The following SORCS2 variants were observed in gnomAD, a reference collection of about 807,000 sequenced individuals.
The protein encoded by SORCS2 is sortilin related VPS10 domain containing receptor 2.
Under a neutral mutation model 141.6 loss-of-function variants are expected in SORCS2, and 100 were observed. The observed-to-expected ratio is 0.71, with a 90% CI of 0.60 to 0.83. The LOEUF is 0.83. SORCS2 is among the 40% of genes least tolerant of loss of function. The probability of loss-of-function intolerance (pLI) is 0.00; values close to 1 mark genes in which losing one functional copy is unlikely to be tolerated. For missense variants in SORCS2, 1,646 were observed against 1,560.2 expected, an observed-to-expected ratio of 1.05 and a Z score of -0.93; for synonymous variants, 789 against 676.9, an observed-to-expected ratio of 1.17 and a Z score of -2.57.
intron 3 of SORCS2, among the ~76,000 whole-genome samples, chr4:7,551,010 G>T (rs567693091): frequency 4.6e-5 from 7 of 152,328 alleles, no homozygotes; most frequent in East Asian, 3.9e-4. Context: ...ACAAAAGGGT[G>T]CAGTGACCGC....
In SORCS2 at chr4:7,286,872, T is replaced by C. The variant is rs552585325; in HGVS notation, c.480+93746T>C. Reference sequence around the variant, plus strand: ...TATGGAAGGTCCCAAGAGGAAAGTGTCCTGACGGAGCTTCAGTAGCTGAAA... The same window carrying C: ...TATGGAAGGTCCCAAGAGGAAAGTGCCCTGACGGAGCTTCAGTAGCTGAAA... On this transcript the variant is annotated intron_variant, in intron 1 of 26. Coordinates refer to ENST00000507866, the MANE Select transcript of SORCS2 (RefSeq NM_020777.3). The surrounding 1 kb of genome is among the most constrained non-coding windows in gnomAD (Gnocchi z 4.1). 2.0e-5 allele frequency among the ~76,000 whole-genome samples: 3 copies of C among 152,124 alleles called. No homozygotes were observed. The South Asian group carries it at 6.2e-4, about 32-fold the overall frequency.
At chr4:7,310,949 T>C (rs1215235469) in intron 1 of SORCS2, among the ~76,000 whole-genome samples, 1 of 152,214 alleles carries the variant, frequency 6.6e-6, no homozygotes, top group Non-Finnish European at 1.5e-5. Context: ...AGAGATATAA[T>C]AAATCACGCA....
At chr4:7,277,194 T>C (rs1715558056) in intron 1 of SORCS2, among the ~76,000 whole-genome samples, 1 of 152,140 alleles carries the variant, frequency 6.6e-6, no homozygotes, top group Non-Finnish European at 1.5e-5. Context: ...ACTTTCCTGC[T>C]GTGAGGAAGG....
At chr4:7,566,346 G>A (rs890325049) in intron 3 of SORCS2, among the ~76,000 whole-genome samples, 1 of 152,006 alleles carries the variant, frequency 6.6e-6, no homozygotes, top group African/African-American at 2.4e-5. Context: ...TGATGATGAG[G>A]TGATGATGAT....
At chr4:7,589,945 C>T (rs1319042988) in intron 3 of SORCS2, among the ~76,000 whole-genome samples, 3 of 152,116 alleles carry the variant, frequency 2.0e-5, no homozygotes, top group East Asian at 1.9e-4. Context: ...AAGAGCTTTC[C>T]ATGTGACTGC....
chr4:7,597,504 A>G (rs1190694501), intron 3 of SORCS2, among the ~76,000 whole-genome samples: 1 of 134,156 alleles, frequency 7.5e-6, no homozygotes, highest in Non-Finnish European at 1.6e-5. Context: ...GGGGAGGGGG[A>G]CATGCAATGA....
chr4:7,344,809 G>A (rs1002374919), intron 1 of SORCS2, among the ~76,000 whole-genome samples: 11 of 152,180 alleles, frequency 7.2e-5, no homozygotes, highest in Non-Finnish European at 1.6e-4. Flanking sequence ...TGATTCCCCC[G>A]TGTACTGACT....
At chr4:7,258,380 A>G (rs1301874349) in intron 1 of SORCS2, among the ~76,000 whole-genome samples, 1 of 152,052 alleles carries the variant, frequency 6.6e-6, no homozygotes, top group Non-Finnish European at 1.5e-5. Context: ...CCCATTTATG[A>G]GTGAGAACAT....
rs764118067 is a variant in SORCS2 at position 7,654,144 on chromosome 4, C to T, written c.824C>T (p.Ser275Leu). 2.5e-6 allele frequency: 4 copies of T among 1,579,084 alleles called. No homozygotes were observed. The highest frequency in any genetic ancestry group is 3.4e-6 in the Non-Finnish European group (4 of 1,161,042). The change falls in exon 5 of 27, where the codon TCA (serine) becomes TTA (leucine). Residue 275 changes from serine (S) to leucine (L), a missense_variant. Physicochemically the swap from Ser to Leu is moderately radical, Grantham distance 145. Transcript: ENST00000507866. ...TTTTCTGCCCTAAAGCTCTACGTGT[C>T]ATCTGACTTGGGGAAAAAGTGGACA... ...AYTKESKLYVSSDLGKKWTLL... is the reference protein window; with the variant it reads ...AYTKESKLYVLSDLGKKWTLL...
At chr4:7,616,950 C>G (rs2108819691) in intron 3 of SORCS2, among the ~76,000 whole-genome samples, 1 of 152,346 alleles carries the variant, frequency 6.6e-6, no homozygotes, top group Admixed American at 6.5e-5. Context: ...CCCCTGAGCC[C>G]TCTCTTGGCC....
In SORCS2 at chr4:7,201,434, C is replaced by T. The variant is rs1727477541; in HGVS notation, c.480+8308C>T. ...TATTCTAAAGAGGTCATAAATTAGCCTCATTCCTCGGCACGCCCCTCAGAT... is the reference window on the plus strand; with the variant it reads ...TATTCTAAAGAGGTCATAAATTAGCTTCATTCCTCGGCACGCCCCTCAGAT... On this transcript the variant is annotated intron_variant, in intron 1 of 26. Coordinates refer to ENST00000507866, the MANE Select transcript of SORCS2 (RefSeq NM_020777.3). The surrounding 1 kb of genome is among the most constrained non-coding windows in gnomAD (Gnocchi z 4.4). Among the ~76,000 whole-genome samples the T allele has an allele frequency of 1.3e-5, 2 of 152,232 alleles. No individual in the cohort carries two copies. The highest frequency in any genetic ancestry group is 2.4e-5 in the African/African-American group (1 of 41,470).
Position 7,741,215 on chromosome 4 carries a change from G to A in SORCS2, c.*951G>A, listed in dbSNP as rs1296261263. 2 of 398,726 alleles carry A rather than the reference G, an allele frequency of 5.0e-6. No individual in the cohort carries two copies. The highest frequency in any genetic ancestry group is 4.4e-5 in the Admixed American group (1 of 22,722). 24.7% of individuals were successfully genotyped at this position (398,726 alleles called of 1,614,324 possible). On this transcript the variant is annotated 3_prime_UTR_variant, in exon 27 of 27. Transcript: ENST00000507866. ...TCCTTATAGGCGAAGGGAACCGGGT[G>A]GAAACCAAGCTGGGAGAGGCTGAGG... is the stretch of plus-strand genomic sequence containing the variant.
chr4:7,363,076 TCATCATCATCATCACCATCACCACTAC>T (rs1721685213), intron 1 of SORCS2, among the ~76,000 whole-genome samples: 1 of 146,382 alleles, frequency 6.8e-6, no homozygotes, highest in South Asian at 2.1e-4. Context: ...CCGTCATACA[TCATCATCATCATCACCATCACCACTAC>T]CATCACCATC....
chr4:7,389,070 C>G (rs975022575), intron 1 of SORCS2, among the ~76,000 whole-genome samples: 1 of 152,132 alleles, frequency 6.6e-6, no homozygotes, highest in Non-Finnish European at 1.5e-5. Flanking sequence ...TGGATCATTC[C>G]TGCCCCCACG....
intron 3 of SORCS2, among the ~76,000 whole-genome samples, chr4:7,597,252 A>G (rs9992779): frequency 0.36 from 52,998 of 148,700 alleles, 10,053 homozygotes; most frequent in African/African-American, 0.42. Context: ...GAGGCTACGC[A>G]ATAGGGGGAG....
intron 3 of SORCS2, among the ~76,000 whole-genome samples, chr4:7,584,612 A>G (rs1716407722): frequency 6.6e-6 from 1 of 152,172 alleles, no homozygotes; most frequent in South Asian, 2.1e-4. Context: ...ACTCTAAGAA[A>G]CCAGGCTGCC....
At chr4:7,249,044 T>C (rs1302741957) in intron 1 of SORCS2, among the ~76,000 whole-genome samples, 4 of 152,240 alleles carry the variant, frequency 2.6e-5, no homozygotes, top group Non-Finnish European at 5.9e-5. Context: ...GATAGGTAGA[T>C]AGTGCTGCAG....
intron 2 of SORCS2, among the ~76,000 whole-genome samples, chr4:7,453,212 C>T (rs368258310): frequency 0.028 from 2,752 of 99,650 alleles, 72 homozygotes; most frequent in Middle Eastern, 0.05. Flanking sequence ...TGGGGTCAGG[C>T]GCTGTGTTGG....
chr4:7,305,468 A>G (rs1290790235), intron 1 of SORCS2, among the ~76,000 whole-genome samples: 1 of 150,150 alleles, frequency 6.7e-6, no homozygotes, highest in African/African-American at 2.5e-5. Flanking sequence ...GCCCTCACCC[A>G]TCCTCCCACA....
Sources: gnomAD v4.1 joint callset for allele counts (sites outside exome capture counted in the v4.1 genomes callset) on GRCh38, gnomAD v4.1.1 for gene constraint, Gnocchi (gnomAD v3.1) non-coding constraint, MANE v1.5 for transcripts, NCBI Gene and HGNC (gene_info 2026-07-23, HGNC 2026-07-21) for gene names.